PCDHAC2: variants seen among roughly 807,000 people sequenced by gnomAD.
PCDHAC2 encodes the protein protocadherin alpha-C2.
Under a neutral mutation model 63.3 loss-of-function variants are expected in PCDHAC2, and 24 were observed. That is an observed-to-expected ratio of 0.38 (90% CI 0.27 to 0.53). The LOEUF is 0.53. Ranked by LOEUF, PCDHAC2 falls within the 20% of genes least tolerant of loss-of-function variation. The pLI, the probability that PCDHAC2 is intolerant of heterozygous loss-of-function variation, is 0.81. For missense variants in PCDHAC2, 1,181 were observed against 1,275.2 expected (o/e 0.93, Z 1.12); for synonymous variants, 569 against 529.4 (o/e 1.07, Z -1.03).
At chr5:140,980,347 C>G (rs1329268780) in intron 2 of PCDHAC2, among the ~76,000 whole-genome samples, 2 of 152,132 alleles carry the variant, frequency 1.3e-5, no homozygotes, top group African/African-American at 4.8e-5. Context: ...ACATAACTTC[C>G]TGGACTGGGC....
chr5:141,012,183 A>G lies in PCDHAC2; in HGVS notation c.*2246A>G, dbSNP rs1554263839. The stretch of plus-strand genomic sequence containing the variant: ...TAATTTATTAATGATGATAATTATA[A>G]TGTATCTGTACAGCACTTTTTACAT... On this transcript the variant is annotated 3_prime_UTR_variant, in exon 4 of 4. Coordinates refer to ENST00000289269, the MANE Select transcript of PCDHAC2 (RefSeq NM_018899.6). The G allele has an allele frequency of 6.5e-6, 1 of 153,782 alleles. No homozygotes were observed. Among genetic ancestry groups the G allele is most frequent in the Admixed American group, 6.5e-5 (1 of 15,280 alleles). 9.5% of individuals were successfully genotyped at this position (153,782 alleles called of 1,614,324 possible). A position where few individuals can be genotyped will look rare whatever the true frequency, so the allele number is the denominator to read the frequency against.
intron 3 of PCDHAC2, among the ~76,000 whole-genome samples, chr5:140,985,169 C>G (rs1169892350): frequency 6.6e-6 from 1 of 152,122 alleles, no homozygotes; most frequent in Non-Finnish European, 1.5e-5. Flanking sequence ...AATCTCCTGA[C>G]CTCGTAATCC....
intron 1 of PCDHAC2, 164 bp downstream of exon 1, chr5:140,969,495 C>A: frequency 7.0e-7 from 1 of 1,437,888 alleles, no homozygotes; most frequent in South Asian, 1.5e-5. Flanking sequence ...TATTTCCTCT[C>A]TAGAAAAATA....
intron 2 of PCDHAC2, among the ~76,000 whole-genome samples, chr5:140,979,642 A>G (rs1364696351): frequency 2.0e-5 from 3 of 152,188 alleles, no homozygotes; most frequent in South Asian, 2.1e-4. Flanking sequence ...ATTAAATATA[A>G]TTTTGCTTTC....
At position 141,010,191 on chromosome 5, in the gene PCDHAC2, C is replaced by T; in HGVS notation, c.*254C>T. 1 of 1,552,476 alleles carries T rather than the reference C, an allele frequency of 6.4e-7. No homozygotes were observed. The highest frequency in any genetic ancestry group is 1.4e-5 in the African/African-American group (1 of 73,166). ...AACCTAAAAAGCAGACCCAAGTTTCCTTTCTCCTCCGCCGCAAAGGAGAGG... is the reference window on the plus strand; with the variant it reads ...AACCTAAAAAGCAGACCCAAGTTTCTTTTCTCCTCCGCCGCAAAGGAGAGG... On this transcript the variant is annotated 3_prime_UTR_variant, in exon 4 of 4. Transcript: ENST00000289269.
At chr5:140,998,196 C>T (rs960565673) in intron 3 of PCDHAC2, among the ~76,000 whole-genome samples, 2 of 152,164 alleles carry the variant, frequency 1.3e-5, no homozygotes, top group African/African-American at 4.8e-5. Flanking sequence ...CAAGTATTAA[C>T]TCCTTTAATC....
intron 3 of PCDHAC2, among the ~76,000 whole-genome samples, chr5:141,000,417 A>ATT (rs1563652061): frequency 3.2e-4 from 25 of 77,724 alleles, no homozygotes; most frequent in African/African-American, 1.1e-3. Context: ...ATATATATAT[A>ATT]TATATTTTTT....
rs1554229007 is a variant in PCDHAC2, at chr5:140,966,972, T to A, written c.206T>A (p.Leu69Gln). The change falls in exon 1 of 4, where the codon CTG (leucine) becomes CAG (glutamine). Residue 69 changes from leucine (L) to glutamine (Q), a missense_variant. By Grantham distance (113) the Leu-to-Gln change is moderately radical. Coordinates refer to ENST00000289269, the MANE Select transcript of PCDHAC2 (RefSeq NM_018899.6). Reference sequence around the variant, plus strand: ...GTGGCTCGCGCGCTGGGGCTTGAGCTGCGGCGCTTGGGGCCGGGTTGCTTG... The same window carrying A: ...GTGGCTCGCGCGCTGGGGCTTGAGCAGCGGCGCTTGGGGCCGGGTTGCTTG... ...GNVARALGLELRRLGPGCLRI... is the reference protein window; with the variant it reads ...GNVARALGLEQRRLGPGCLRI... The A allele has an allele frequency of 6.2e-7, 1 of 1,602,946 alleles. No homozygotes were observed. Among genetic ancestry groups the A allele is most frequent in the Non-Finnish European group, 8.5e-7 (1 of 1,177,888 alleles).
intron 1 of PCDHAC2, among the ~76,000 whole-genome samples, chr5:140,972,662 T>A (rs1188844189): frequency 1.5e-4 from 8 of 54,766 alleles, no homozygotes; most frequent in African/African-American, 8.1e-4. Context: ...GAAACCAAAT[T>A]TTTTTTTTTT....
At chr5:140,977,141 C>T (rs1264237183) in intron 1 of PCDHAC2, among the ~76,000 whole-genome samples, 1 of 152,204 alleles carries the variant, frequency 6.6e-6, no homozygotes, top group Non-Finnish European at 1.5e-5. Flanking sequence ...GTCAGTCCTG[C>T]TGGAACTGTG....
intron 3 of PCDHAC2, 116 bp from the exon 4 acceptor site, chr5:141,009,511 G>A (rs2098410295): frequency 2.7e-5 from 41 of 1,498,054 alleles, no homozygotes; most frequent in Admixed American, 9.3e-5. Context: ...CAAACAACTC[G>A]TGATTTTTCT....
chr5:141,010,276 TTGA>T lies in PCDHAC2; in HGVS notation c.*343_*345del, dbSNP rs1554262867. On this transcript the variant is annotated 3_prime_UTR_variant, in exon 4 of 4. Transcript: ENST00000289269. ...TGCCCTGTGCTCCGGGGATCCTGTC[TTGA>T]TGACACTTGCAGGGCAGGCTGAAAA... is the stretch of plus-strand genomic sequence containing the variant. The T allele has an allele frequency of 4.5e-6, 7 of 1,551,580 alleles. No individual in the cohort carries two copies. The highest frequency in any genetic ancestry group is 6.1e-6 in the Non-Finnish European group (7 of 1,146,976).
intron 3 of PCDHAC2, among the ~76,000 whole-genome samples, chr5:140,993,766 C>T (rs567978996): frequency 9.2e-5 from 14 of 152,082 alleles, no homozygotes; most frequent in African/African-American, 1.7e-4. Context: ...ATTACAATTG[C>T]GCAGTATTTT....
intron 3 of PCDHAC2, 34 bp from the exon 4 acceptor site, chr5:141,009,593 C>G: frequency 6.2e-7 from 1 of 1,602,020 alleles, no homozygotes; most frequent in South Asian, 1.1e-5. Flanking sequence ...CATGTGTTGA[C>G]CCTGTTAATG....
intron 3 of PCDHAC2, among the ~76,000 whole-genome samples, chr5:140,985,795 A>G (rs2097171299): frequency 7.3e-6 from 1 of 136,386 alleles, no homozygotes; most frequent in African/African-American, 2.8e-5. Context: ...GCTGGAGTGC[A>G]GTGGCACGAT....
chr5:140,984,882 A>G (rs1456658089), intron 3 of PCDHAC2, among the ~76,000 whole-genome samples: 3 of 152,150 alleles, frequency 2.0e-5, no homozygotes, highest in African/African-American at 7.2e-5. Context: ...AGTTACCATG[A>G]GAACTAAAGG....
chr5:140,996,111 G>C (rs981356405), intron 3 of PCDHAC2, among the ~76,000 whole-genome samples: 1 of 152,220 alleles, frequency 6.6e-6, no homozygotes, highest in East Asian at 1.9e-4. Context: ...GTATGGAAGT[G>C]TGCAGGGTGG....
In PCDHAC2 at chr5:141,011,697, T is replaced by A. The variant is rs1187125634; in HGVS notation, c.*1760T>A. ...TTTTGTTCTAGTAACAATTTTGGAATGAATACTGACAATATTCCATGAGGG... is the reference window on the plus strand; with the variant it reads ...TTTTGTTCTAGTAACAATTTTGGAAAGAATACTGACAATATTCCATGAGGG... On this transcript the variant is annotated 3_prime_UTR_variant, in exon 4 of 4. Transcript: ENST00000289269. 2 of 153,778 alleles carry A rather than the reference T, an allele frequency of 1.3e-5. No homozygotes were observed. Among genetic ancestry groups the A allele is most frequent in the Non-Finnish European group, 2.9e-5 (2 of 68,036 alleles). The allele number at this position is 153,778 out of a possible 1,614,324, so 9.5% of individuals were successfully genotyped here.
intron 2 of PCDHAC2, among the ~76,000 whole-genome samples, chr5:140,980,164 G>A (rs187011465): frequency 1.6e-3 from 238 of 152,226 alleles, no homozygotes; most frequent in Middle Eastern, 6.8e-3. Context: ...AGAATATTAG[G>A]TATCAGAAGA....
Sources: gnomAD v4.1 joint callset for allele counts (sites outside exome capture counted in the v4.1 genomes callset) on GRCh38, gnomAD v4.1.1 for gene constraint, MANE v1.5 for transcripts, NCBI Gene and HGNC (gene_info 2026-07-23, HGNC 2026-07-21) for gene names.